Variants in HSP90AA1 observed in about 807,000 individuals in gnomAD.
HSP90AA1 encodes heat shock protein 90 alpha family class A member 1.
Under a neutral mutation model 73.3 loss-of-function variants are expected in HSP90AA1, and 18 were observed. The observed-to-expected ratio is 0.25, with a 90% CI of 0.17 to 0.36. The LOEUF is 0.36. Ranked by LOEUF, HSP90AA1 falls within the 10% of genes least tolerant of loss-of-function variation. The pLI, the probability that HSP90AA1 is intolerant of heterozygous loss-of-function variation, is 1.00. For synonymous variants in HSP90AA1, 477 were observed against 296.9 expected (o/e 1.61, Z -6.24); for missense variants, 704 against 874.2 (o/e 0.81, Z 2.45).
At chr14:102,084,124 C>CA in intron 6 of HSP90AA1, 141 bp from the exon 7 acceptor site, 1 of 784,402 alleles carries the variant, frequency 1.3e-6, no homozygotes, top group Non-Finnish European at 2.2e-6. Context: ...GGCTGGAGGG[C>CA]AGTGGCGCAA....
At position 102,083,132 on chromosome 14, in the gene HSP90AA1, C is replaced by G. The variant is rs2049137768; in HGVS notation, c.1657G>C (p.Glu553Gln). ...SVTKEGLELPEDEEEKKKQEE... is the reference protein window; with the variant it reads ...SVTKEGLELPQDEEEKKKQEE... ...TGCTTCTTTTTCTCTTCTTCATCCT[C>G]TGGAAGTTCCAGGCCTTCTTTGGTG... The change falls in exon 9 of 11, where the codon GAG becomes CAG. Residue 553 changes from glutamate to glutamine, a missense_variant. By Grantham distance (29) the Glu-to-Gln change is conservative. Coordinates refer to ENST00000216281, the MANE Select transcript of HSP90AA1 (RefSeq NM_005348.4). 6.2e-7 allele frequency: 1 copy of G among 1,613,890 alleles called. No homozygotes were observed. Among genetic ancestry groups the G allele is most frequent in the African/African-American group, 1.3e-5 (1 of 74,898 alleles).
intron 1 of HSP90AA1, among the ~76,000 whole-genome samples, chr14:102,129,100 T>C (rs1414349811): frequency 1.3e-5 from 2 of 151,406 alleles, no homozygotes; most frequent in Non-Finnish European, 2.9e-5. Flanking sequence ...GAAAAATAAA[T>C]TGAGCACTAT....
In HSP90AA1 at chr14:102,085,842, T is replaced by C. The variant is rs1371659495; in HGVS notation, c.445A>G (p.Thr149Ala). Residue 149 changes from threonine (T) to alanine (A), a missense_variant, in exon 3 of 11, where the codon ACT (threonine) becomes GCT (alanine). Transcript: ENST00000216281. ...YSAYLVAEKV[T>A]VITKHNDDEQ... ...TCATCGTTATGTTTGGTGATCACAG[T>C]TACTTTCTCAGCAACCAAATAAGCA... is the stretch of plus-strand genomic sequence containing the variant. 1.9e-6 allele frequency: 3 copies of C among 1,613,936 alleles called. No individual in the cohort carries two copies. The highest frequency in any genetic ancestry group is 2.5e-6 in the Non-Finnish European group (3 of 1,179,854).
At chr14:102,134,925 G>C (rs942655692) in intron 1 of HSP90AA1, among the ~76,000 whole-genome samples, 2 of 152,168 alleles carry the variant, frequency 1.3e-5, no homozygotes, top group African/African-American at 4.8e-5. Context: ...GGCCTGTTTT[G>C]TCAGGCCGCT....
intron 1 of HSP90AA1, among the ~76,000 whole-genome samples, 156 bp downstream of exon 1, chr14:102,086,830 T>G (rs61992489): frequency 0.7 from 105,404 of 151,518 alleles, 40,087 homozygotes; most frequent in South Asian, 0.84. Flanking sequence ...ACCGCAGCGG[T>G]CCCGAGGCCT....
intron 1 of HSP90AA1, among the ~76,000 whole-genome samples, chr14:102,132,509 T>C (rs865778101): frequency 5.3e-5 from 8 of 152,022 alleles, no homozygotes; most frequent in Admixed American, 6.6e-5. Context: ...CCTGTACCAC[T>C]GTACTTCCAG....
chr14:102,083,054 A>G lies in HSP90AA1; in HGVS notation c.1735T>C (p.Leu579=), dbSNP rs532761322. 9.3e-6 allele frequency: 15 copies of G among 1,613,856 alleles called. No homozygotes were observed. The East Asian group carries it at 1.8e-4, about 19-fold the overall frequency. ...CATACCTTTTCAACTTTTTTCTCCAATATGTCTTTCATGATTTTGCAGAGG... is the reference window on the plus strand; with the variant it reads ...CATACCTTTTCAACTTTTTTCTCCAGTATGTCTTTCATGATTTTGCAGAGG... ...ENLCKIMKDI[L]EKKVEKVVVS... Residue 579 remains leucine, a synonymous_variant, in exon 9 of 11, where the codon TTG becomes CTG. Coordinates refer to ENST00000216281, the MANE Select transcript of HSP90AA1 (RefSeq NM_005348.4).
At chr14:102,114,646 G>A (rs1399778765) in intron 1 of HSP90AA1, among the ~76,000 whole-genome samples, 3 of 152,102 alleles carry the variant, frequency 2.0e-5, no homozygotes, top group East Asian at 1.9e-4. Context: ...ACACACTCAC[G>A]TAATCCCCAT....
chr14:102,087,119 C>G (rs1017276490), upstream of HSP90AA1: 8 of 984,368 alleles, frequency 8.1e-6, no homozygotes, highest in East Asian at 1.1e-4. Context: ...AGAAGCCTCC[C>G]GAACCTTCCG....
chr14:102,087,714 A>T (rs1214614090), upstream of HSP90AA1, among the ~76,000 whole-genome samples: 1 of 152,038 alleles, frequency 6.6e-6, no homozygotes, highest in Non-Finnish European at 1.5e-5. Flanking sequence ...CTCCAGACCC[A>T]CCGCTGGCTC....
At position 102,086,122 on chromosome 14, in the gene HSP90AA1, T is replaced by C. The variant is rs1288776414; in HGVS notation, c.165A>G (p.Ala55=). Residue 55 remains alanine, a splice_region_variant and synonymous_variant, in exon 3 of 11, where the codon GCA becomes GCG. Transcript: ENST00000216281. ...AGCTTTCATACCGGATTTTGTCCAA[T>C]GCCTGTTAACAAAAAATATTAATTT... is the stretch of plus-strand genomic sequence containing the variant. ...LRELISNSSD[A]LDKIRYESLT... The C allele has an allele frequency of 2.5e-6, 4 of 1,614,158 alleles. No individual in the cohort carries two copies. The highest frequency in any genetic ancestry group is 2.2e-5 in the East Asian group (1 of 44,886).
upstream of HSP90AA1, among the ~76,000 whole-genome samples, chr14:102,091,122 C>G (rs1337838119): frequency 1.3e-5 from 2 of 152,144 alleles, no homozygotes; most frequent in Non-Finnish European, 1.5e-5. Flanking sequence ...AATTTATGCC[C>G]CCTCACTTGC....
At chr14:102,126,797 G>T (rs898395077) in intron 1 of HSP90AA1, among the ~76,000 whole-genome samples, 1 of 152,140 alleles carries the variant, frequency 6.6e-6, no homozygotes, top group African/African-American at 2.4e-5. Flanking sequence ...CAAAGTCCTG[G>T]GACTACAGGC....
At chr14:102,130,382 TA>T (rs2049894149) in intron 1 of HSP90AA1, among the ~76,000 whole-genome samples, 1 of 152,232 alleles carries the variant, frequency 6.6e-6, no homozygotes, top group African/African-American at 2.4e-5. Context: ...ATATTGGCTA[TA>T]TTACTTTTCC....
chr14:102,086,445 G>A, intron 1 of HSP90AA1, 67 bp from the exon 2 acceptor site: 14 of 1,528,876 alleles, frequency 9.2e-6, no homozygotes, highest in East Asian at 2.2e-5. Flanking sequence ...AAATTCCATC[G>A]CGTTCTCCAA....
chr14:102,098,373 G>A (rs1339819835), intron 2 of HSP90AA1, among the ~76,000 whole-genome samples: 2 of 150,846 alleles, frequency 1.3e-5, no homozygotes, highest in Non-Finnish European at 2.9e-5. Flanking sequence ...TATTGGCCAG[G>A]TTGGTCTCCA....
chr14:102,124,362 T>G (rs966185433), intron 1 of HSP90AA1, among the ~76,000 whole-genome samples: 1 of 151,732 alleles, frequency 6.6e-6, no homozygotes, highest in African/African-American at 2.4e-5. Context: ...CAGCTAATTT[T>G]TGTGTTTTTA....
In HSP90AA1 at chr14:102,081,537, T is replaced by C; in HGVS notation, c.*175A>G. 3.2e-6 allele frequency: 2 copies of C among 621,356 alleles called. No individual in the cohort carries two copies. The highest frequency in any genetic ancestry group is 3.7e-5 in the African/African-American group (2 of 54,408). The allele number at this position is 621,356 out of a possible 1,614,324, so 38.5% of individuals were successfully genotyped here. A position where few individuals can be genotyped will look rare whatever the true frequency, so the allele number is the denominator to read the frequency against. On this transcript the variant is annotated 3_prime_UTR_variant, in exon 11 of 11. Transcript: ENST00000216281. Reference sequence around the variant, plus strand: ...AAAAGCATTACTAGCTCTGCTTTAGTGCCTAAGGTATCACAGCATCACTTA... The same window carrying C: ...AAAAGCATTACTAGCTCTGCTTTAGCGCCTAAGGTATCACAGCATCACTTA...
upstream of HSP90AA1, among the ~76,000 whole-genome samples, chr14:102,091,526 T>C (rs1194192754): frequency 1.3e-5 from 2 of 151,908 alleles, no homozygotes; most frequent in East Asian, 3.9e-4. Context: ...CTCGGGAGGC[T>C]GAGGCAGGAC....
Sources: allele counts gnomAD v4.1 joint callset (sites outside exome capture counted in the v4.1 genomes callset), GRCh38; gene constraint gnomAD v4.1.1; transcripts MANE v1.5; gene names NCBI Gene and HGNC (gene_info 2026-07-23, HGNC 2026-07-21).